The following RP1L1 variants were observed in gnomAD, a reference collection of about 807,000 sequenced individuals.
RP1L1 encodes RP1 like 1.
A neutral mutation model predicts 15.7 loss-of-function variants in RP1L1; 27 were observed. The ratio of observed to expected loss-of-function variants is 1.72; its 90% confidence interval spans 1.27 to 2.38. The LOEUF is 2.38. Ranked by LOEUF, RP1L1 falls within the 30% of genes most tolerant of loss-of-function variation. RP1L1 has a pLI of 0.00. For synonymous variants in RP1L1, 1,813 were observed against 1,276.7 expected, an observed-to-expected ratio of 1.42 and a Z score of -8.96; for missense variants, 4,798 against 3,075.9, an observed-to-expected ratio of 1.56 and a Z score of -13.24.
At position 10,622,949 on chromosome 8, in the gene RP1L1, G is replaced by C; in HGVS notation, c.253C>G (p.Arg85Gly). 1 of 1,614,100 alleles carries C rather than the reference G, an allele frequency of 6.2e-7. No homozygotes were observed. The highest frequency in any genetic ancestry group is 1.1e-5 in the South Asian group (1 of 91,072). The change falls in exon 2 of 4, where the codon CGG becomes GGG. Residue 85 changes from arginine (R) to glycine (G), a missense_variant. By Grantham distance (125) the Arg-to-Gly change is moderately radical. Coordinates refer to ENST00000382483, the MANE Select transcript of RP1L1 (RefSeq NM_178857.6). Reference sequence around the variant, plus strand: ...AGGGCGCTGAGGCTATGCAGGCCCCGGGGTGTGGTGACAGAGCGCACCCCA... The same window carrying C: ...AGGGCGCTGAGGCTATGCAGGCCCCCGGGTGTGGTGACAGAGCGCACCCCA... ...SFGVRSVTTP[R>G]GLHSLSALEQ...
chr8:10,630,086 G>T (rs139557153), intron 1 of RP1L1, among the ~76,000 whole-genome samples: 1 of 152,342 alleles, frequency 6.6e-6, no homozygotes, highest in Non-Finnish European at 1.5e-5. Context: ...TCATGAGGGC[G>T]TAGTCAAGTC....
chr8:10,613,127 T>A lies in RP1L1; in HGVS notation c.971A>T (p.Glu324Val). ...GACCAGGTGGAAGCGGACTTTCATCTCCACGGACAGGCTGCCGTCCTCATT... is the reference window on the plus strand; with the variant it reads ...GACCAGGTGGAAGCGGACTTTCATCACCACGGACAGGCTGCCGTCCTCATT... ...RMNEDGSLSV[E>V]MKVRFHLVGE... The change falls in exon 4 of 4, where the codon GAG (glutamate) becomes GTG (valine). Residue 324 changes from glutamate to valine, a missense_variant. By Grantham distance (121) the Glu-to-Val change is moderately radical. Transcript: ENST00000382483. 3 of 1,613,930 alleles carry A rather than the reference T, an allele frequency of 1.9e-6. No homozygotes were observed. Among genetic ancestry groups the A allele is most frequent in the Non-Finnish European group, 2.5e-6 (3 of 1,180,028 alleles).
Position 10,611,726 on chromosome 8 carries a change from C to T in RP1L1, c.2372G>A (p.Ser791Asn). The T allele has an allele frequency of 1.9e-6, 3 of 1,613,582 alleles. No individual in the cohort carries two copies. Among genetic ancestry groups the T allele is most frequent in the Non-Finnish European group, 2.5e-6 (3 of 1,179,966 alleles). The change falls in exon 4 of 4, where the codon AGC becomes AAC. Residue 791 changes from serine (S) to asparagine (N), a missense_variant. Ser to Asn is a conservative substitution (Grantham distance 46). Coordinates refer to ENST00000382483, the MANE Select transcript of RP1L1 (RefSeq NM_178857.6). Reference protein sequence around the residue: ...SDSCSKSGAASLGEEARDTPQ... With the variant: ...SDSCSKSGAANLGEEARDTPQ... ...CGTGTCCCTGGCCTCTTCCCCCAGG[C>T]TGGCAGCCCCAGATTTTGAGCAGGA...
At chr8:10,633,534 T>C (rs915715617) in intron 1 of RP1L1, among the ~76,000 whole-genome samples, 25 of 152,116 alleles carry the variant, frequency 1.6e-4, no homozygotes, top group Admixed American at 5.2e-4. Context: ...ACAAACACCC[T>C]CGATGACTCT....
At chr8:10,648,994 G>T (rs1798520134) in intron 1 of RP1L1, among the ~76,000 whole-genome samples, 1 of 152,226 alleles carries the variant, frequency 6.6e-6, no homozygotes, top group African/African-American at 2.4e-5. Context: ...CAGTGAGGGT[G>T]TAGGCCCTCG....
In RP1L1 at chr8:10,610,074, T is replaced by G; in HGVS notation, c.4024A>C (p.Lys1342Gln). The G allele has an allele frequency of 2.0e-6, 3 of 1,483,486 alleles. 1 individual carries two copies. Among genetic ancestry groups the G allele is most frequent in the East Asian group, 5.6e-5 (2 of 35,818 alleles). 91.9% of individuals were successfully genotyped at this position (1,483,486 alleles called of 1,614,324 possible). A position where few individuals can be genotyped will look rare whatever the true frequency, so the allele number is the denominator to read the frequency against. Residue 1342 changes from lysine (K) to glutamine (Q), a missense_variant, in exon 4 of 4, where the codon AAA becomes CAA. By Grantham distance (53) the Lys-to-Gln change is moderately conservative. Transcript: ENST00000382483. ...QEEGVQLEET[K>Q]ETEGEGQQEE... ...TGCTGTCCTTCTCCTTCTGTTTCTTTAGTTTCCTCTAACTGCACCCCCTCT... is the reference window on the plus strand; with the variant it reads ...TGCTGTCCTTCTCCTTCTGTTTCTTGAGTTTCCTCTAACTGCACCCCCTCT...
At position 10,606,881 on chromosome 8, in the gene RP1L1, T is replaced by C. The variant is rs771671808; in HGVS notation, c.*14A>G. The C allele has an allele frequency of 1.2e-6, 2 of 1,614,132 alleles. No individual in the cohort carries two copies. Among genetic ancestry groups the C allele is most frequent in the Admixed American group, 1.7e-5 (1 of 60,034 alleles). On this transcript the variant is annotated 3_prime_UTR_variant, in exon 4 of 4. Transcript: ENST00000382483. ...AGCTCCCAAGCTCGTGATTGTTTTC[T>C]AGCTTGATCTTGTCTAGAAATCTAA...
Position 10,609,023 on chromosome 8 carries a change from A to C in RP1L1, c.5075T>G (p.Ile1692Ser). 6.2e-7 allele frequency: 1 copy of C among 1,613,444 alleles called. No individual in the cohort carries two copies. Among genetic ancestry groups the C allele is most frequent in the Non-Finnish European group, 8.5e-7 (1 of 1,179,482 alleles). ...GTGTTCTCCCCTCTTCCTCTGCAGAATCTGCTGCAGGTCAAAGGCCTCTTT... is the reference window on the plus strand; with the variant it reads ...GTGTTCTCCCCTCTTCCTCTGCAGACTCTGCTGCAGGTCAAAGGCCTCTTT... ...PIKEAFDLQQILQRKRGEHTD... is the reference protein window; with the variant it reads ...PIKEAFDLQQSLQRKRGEHTD... The change falls in exon 4 of 4, where the codon ATT (isoleucine) becomes AGT (serine). Residue 1692 changes from isoleucine (I) to serine (S), a missense_variant. By Grantham distance (142) the Ile-to-Ser change is moderately radical. Transcript: ENST00000382483.
chr8:10,609,638 C>T lies in RP1L1; in HGVS notation c.4460G>A (p.Gly1487Asp). 3 of 1,608,976 alleles carry T rather than the reference C, an allele frequency of 1.9e-6. No homozygotes were observed. Among genetic ancestry groups the T allele is most frequent in the Non-Finnish European group, 1.7e-6 (2 of 1,179,966 alleles). Residue 1487 changes from glycine to aspartate, a missense_variant, in exon 4 of 4, where the codon GGC (glycine) becomes GAC (aspartate). Coordinates refer to ENST00000382483, the MANE Select transcript of RP1L1 (RefSeq NM_178857.6). ...LEKPPGATMMGQEHTQAQPTQ... is the reference protein window; with the variant it reads ...LEKPPGATMMDQEHTQAQPTQ... The stretch of plus-strand genomic sequence containing the variant: ...GGGTTGGGCCTGCGTGTGCTCTTGG[C>T]CCATCATGGTGGCTCCGGGCGGCTT...
intron 2 of RP1L1, among the ~76,000 whole-genome samples, chr8:10,620,818 T>C (rs1050776404): frequency 2.3e-4 from 35 of 152,202 alleles, no homozygotes; most frequent in African/African-American, 8.2e-4. Flanking sequence ...ATGCAGCCCA[T>C]TGGCTGTCAT....
chr8:10,613,364 G>C lies in RP1L1; in HGVS notation c.752-18C>G, dbSNP rs200702916. The C allele has an allele frequency of 2.0e-4, 324 of 1,599,170 alleles. No individual in the cohort carries two copies. Among genetic ancestry groups the C allele is most frequent in the Middle Eastern group, 1.8e-3 (11 of 6,060 alleles). On this transcript the variant is annotated intron_variant, in intron 3 of 3. Coordinates refer to ENST00000382483, the MANE Select transcript of RP1L1 (RefSeq NM_178857.6). ...CCAGCTCCCTGGCACGCAGTGAAGAGGAAAAGAAAAGAAGAAAAGACTGTG... is the reference window on the plus strand; with the variant it reads ...CCAGCTCCCTGGCACGCAGTGAAGACGAAAAGAAAAGAAGAAAAGACTGTG...
intron 1 of RP1L1, among the ~76,000 whole-genome samples, chr8:10,639,444 C>G (rs1798377545): frequency 6.6e-6 from 1 of 152,176 alleles, no homozygotes; most frequent in Non-Finnish European, 1.5e-5. Flanking sequence ...ACAATCATAG[C>G]TCACTGCAGC....
chr8:10,622,588 C>T lies in RP1L1; in HGVS notation c.609+5G>A, dbSNP rs774344793. On this transcript the variant is annotated splice_donor_5th_base_variant and intron_variant, in intron 2 of 3. Transcript: ENST00000382483. ...TCAAGGAACCGTCAGACCCCAACAG[C>T]CTACCTTTTTCCCGCTGGTCGTGTA... 1 of 1,614,186 alleles carries T rather than the reference C, an allele frequency of 6.2e-7. No homozygotes were observed. Among genetic ancestry groups the T allele is most frequent in the Non-Finnish European group, 8.5e-7 (1 of 1,180,044 alleles).
chr8:10,624,249 G>A (rs77726526), intron 1 of RP1L1, among the ~76,000 whole-genome samples: 5,933 of 152,266 alleles, frequency 0.039, 379 homozygotes, highest in African/African-American at 0.14. Context: ...CAGGCTCTGG[G>A]TGGCATCCTG....
rs1220488500 is a variant in RP1L1, at chr8:10,609,375, C to A, written c.4723G>T (p.Glu1575Ter). 6.2e-7 allele frequency: 1 copy of A among 1,612,440 alleles called. No homozygotes were observed. Among genetic ancestry groups the A allele is most frequent in the Non-Finnish European group, 8.5e-7 (1 of 1,179,942 alleles). Residue 1575 changes from glutamate (E) to a stop codon, truncating the protein, a stop_gained, in exon 4 of 4, where the codon GAG (glutamate) becomes TAG (stop). Transcript: ENST00000382483. LOFTEE classifies it low-confidence loss of function (END_TRUNC). ...AQRLQDSTKR[E>*]LQKLQGRAGR... ...GCCCGGCCCTGGAGCTTCTGGAGCT[C>A]TCTCTTGGTGCTGTCCTGGAGGCGT...
intron 1 of RP1L1, among the ~76,000 whole-genome samples, chr8:10,640,473 A>C (rs1049281714): frequency 1.3e-5 from 2 of 152,074 alleles, no homozygotes; most frequent in African/African-American, 4.8e-5. Flanking sequence ...AAGCCTGGCC[A>C]ACACGGTGGT....
At chr8:10,645,158 C>G (rs1384128560) in intron 1 of RP1L1, among the ~76,000 whole-genome samples, 1 of 152,066 alleles carries the variant, frequency 6.6e-6, no homozygotes, top group Non-Finnish European at 1.5e-5. Context: ...CAGATCCCAT[C>G]TCTACAAAAA....
At chr8:10,631,354 TG>T (rs1563135355) in intron 1 of RP1L1, among the ~76,000 whole-genome samples, 1 of 13,870 alleles carries the variant, frequency 7.2e-5, no homozygotes, top group Admixed American at 1.4e-3. Flanking sequence ...CGCACACACA[TG>T]CACACAAACA....
Position 10,607,451 on chromosome 8 carries a change from T to C in RP1L1, c.6647A>G (p.Glu2216Gly), listed in dbSNP as rs775965649. The C allele has an allele frequency of 1.9e-6, 3 of 1,613,760 alleles. No individual in the cohort carries two copies. The highest frequency in any genetic ancestry group is 2.5e-6 in the Non-Finnish European group (3 of 1,179,914). ...QPELEGVEAP[E>G]AEEEAQPEPE... ...CTCTGGCTGGGCCTCCTCTTCAGCC[T>C]CCGGGGCCTCTACACCTTCTAACTC... The change falls in exon 4 of 4, where the codon GAG becomes GGG. Residue 2216 changes from glutamate (E) to glycine (G), a missense_variant. Coordinates refer to ENST00000382483, the MANE Select transcript of RP1L1 (RefSeq NM_178857.6).
Sources: allele counts gnomAD v4.1 joint callset (sites outside exome capture counted in the v4.1 genomes callset), GRCh38; gene constraint gnomAD v4.1.1; transcripts MANE v1.5; gene names NCBI Gene and HGNC (gene_info 2026-07-23, HGNC 2026-07-21).